The following CDIN1 variants were observed in gnomAD, a reference collection of about 807,000 sequenced individuals.
CDIN1 encodes CDAN1 interacting nuclease 1.
CDIN1 carries 33 observed loss-of-function variants against 45.3 expected under a neutral mutation model. The observed-to-expected ratio is 0.73, with a 90% CI of 0.55 to 0.97. The LOEUF (loss-of-function observed/expected upper bound fraction) is 0.97, where lower values mean the gene tolerates loss of function less well. Ranked by LOEUF, CDIN1 falls within the 50% of genes least tolerant of loss-of-function variation. The pLI is 0.00. For missense variants in CDIN1, 303 were observed against 339.4 expected (o/e 0.89, Z 0.84); for synonymous variants, 118 against 124.4 (o/e 0.95, Z 0.34).
chr15:36,741,106 T>A (rs1404263713), intron 10 of CDIN1, among the ~76,000 whole-genome samples: 3 of 152,126 alleles, frequency 2.0e-5, no homozygotes, highest in African/African-American at 7.2e-5. Flanking sequence ...CCAGCTTTTT[T>A]AAAGAATTTA....
intron 10 of CDIN1, among the ~76,000 whole-genome samples, chr15:36,760,091 A>G (rs1816198088): frequency 6.6e-6 from 1 of 152,178 alleles, no homozygotes; most frequent in Non-Finnish European, 1.5e-5. Flanking sequence ...TTTCATATCT[A>G]TAAATATAGC....
chr15:36,617,237 C>A, intron 1 of CDIN1: 1 of 884,362 alleles, frequency 1.1e-6, no homozygotes, highest in South Asian at 1.3e-5. Flanking sequence ...GCAGCCACAT[C>A]GGGTGCTCAT....
At chr15:36,712,527 G>A (rs2043092767) in intron 10 of CDIN1, among the ~76,000 whole-genome samples, 1 of 152,072 alleles carries the variant, frequency 6.6e-6, no homozygotes, top group Non-Finnish European at 1.5e-5. Flanking sequence ...GTCTCCCAAA[G>A]TGCTGGGATC....
rs114985797 is a variant in CDIN1 at position 36,750,250 on chromosome 15, C to T, written c.716+40289C>T. 2.6e-3 allele frequency among the ~76,000 whole-genome samples: 402 copies of T among 152,272 alleles called. 5 individuals carry two copies. The highest frequency in any genetic ancestry group is 9.4e-3 in the African/African-American group (389 of 41,546). On this transcript the variant is annotated intron_variant, in intron 10 of 10. Transcript: ENST00000566621. The stretch of plus-strand genomic sequence containing the variant: ...TGTTGAGACCATTAGGAACCTCCCT[C>T]ATTCGTCCCATGAAACAGTGCAATT...
At chr15:36,622,469 G>T (rs546446219) in intron 1 of CDIN1, among the ~76,000 whole-genome samples, 1 of 152,210 alleles carries the variant, frequency 6.6e-6, no homozygotes, top group East Asian at 1.9e-4. Flanking sequence ...GCAGGGCCCA[G>T]CAGTCAGGAT....
chr15:36,653,123 A>T (rs1359481409), intron 3 of CDIN1, among the ~76,000 whole-genome samples: 1 of 152,108 alleles, frequency 6.6e-6, no homozygotes, highest in Non-Finnish European at 1.5e-5. Context: ...ACAGTGGGGG[A>T]TGGGTTTGAG....
intron 10 of CDIN1, among the ~76,000 whole-genome samples, chr15:36,803,294 TAAG>T (rs2055110870): frequency 6.6e-6 from 1 of 151,022 alleles, no homozygotes; most frequent in Non-Finnish European, 1.5e-5. Flanking sequence ...AGTTAGGAGC[TAAG>T]AAGCTCAGTT....
At chr15:36,728,921 G>A (rs2043740507) in intron 10 of CDIN1, among the ~76,000 whole-genome samples, 1 of 152,104 alleles carries the variant, frequency 6.6e-6, no homozygotes, top group Non-Finnish European at 1.5e-5. Flanking sequence ...TGATCCTCCT[G>A]CCTCAGCCTC....
At chr15:36,791,338 C>T (rs2054640405) in intron 10 of CDIN1, among the ~76,000 whole-genome samples, 1 of 152,062 alleles carries the variant, frequency 6.6e-6, no homozygotes, top group East Asian at 1.9e-4. Flanking sequence ...ATAATGAAGT[C>T]GACAAGACAC....
intron 1 of CDIN1, among the ~76,000 whole-genome samples, chr15:36,582,068 G>A (rs2037071627): frequency 6.6e-6 from 1 of 152,198 alleles, no homozygotes; most frequent in South Asian, 2.1e-4. Flanking sequence ...GAGCATTCCA[G>A]TATTTGAATT....
chr15:36,709,018 T>A (rs978034557), intron 8 of CDIN1: 1 of 398,146 alleles, frequency 2.5e-6, no homozygotes, highest in Non-Finnish European at 4.4e-6. Flanking sequence ...TGCAGAAAAA[T>A]AATGAAAGAA....
At chr15:36,681,670 CATAT>C (rs142256728) in intron 5 of CDIN1, among the ~76,000 whole-genome samples, 1,876 of 152,100 alleles carry the variant, frequency 0.012, 19 homozygotes, top group Non-Finnish European at 0.019. Context: ...AGACAAATTA[CATAT>C]ATAGGGATTA....
At chr15:36,659,808 T>G (rs2040924801) in intron 5 of CDIN1, among the ~76,000 whole-genome samples, 1 of 152,080 alleles carries the variant, frequency 6.6e-6, no homozygotes, top group Non-Finnish European at 1.5e-5. Context: ...CTTTTATGAT[T>G]ATATGACAAA....
In CDIN1 at chr15:36,790,477, A is replaced by G. The variant is rs1056784518; in HGVS notation, c.717-17847A>G. On this transcript the variant is annotated intron_variant, in intron 10 of 10. Transcript: ENST00000566621. ...TGTTCGGCAGCAGAGTAGAGTGACT[A>G]TAGTTAACAACAATGTATTGTATAT... 8 of 152,324 alleles carry G rather than the reference A, an allele frequency of 5.3e-5. No individual in the cohort carries two copies. The South Asian group carries it at 6.2e-4, about 12-fold the overall frequency. The allele number at this position is 152,324 out of a possible 1,614,324, so 9.4% of individuals were successfully genotyped here. A position where few individuals can be genotyped will look rare whatever the true frequency, so the allele number is the denominator to read the frequency against.
At chr15:36,671,130 G>A (rs1342470741) in intron 5 of CDIN1, among the ~76,000 whole-genome samples, 1 of 152,106 alleles carries the variant, frequency 6.6e-6, no homozygotes, top group Non-Finnish European at 1.5e-5. Flanking sequence ...ATTAATGTGT[G>A]GCCTTATTCT....
chr15:36,711,257 T>A (rs910549014), intron 10 of CDIN1, among the ~76,000 whole-genome samples: 1 of 151,956 alleles, frequency 6.6e-6, no homozygotes, highest in African/African-American at 2.4e-5. Context: ...GCTAAAGTAT[T>A]TTAAAAAAAA....
chr15:36,696,031 A>T (rs1021270518), intron 7 of CDIN1, among the ~76,000 whole-genome samples: 1 of 148,370 alleles, frequency 6.7e-6, no homozygotes, highest in Non-Finnish European at 1.5e-5. Context: ...TAGACTTGAC[A>T]GGGATCTTGT....
At chr15:36,685,030 G>T (rs2041990583) in intron 5 of CDIN1, among the ~76,000 whole-genome samples, 2 of 152,084 alleles carry the variant, frequency 1.3e-5, no homozygotes, top group Admixed American at 6.6e-5. Context: ...CAAAACACCA[G>T]CTCCTGGATT....
chr15:36,603,567 A>G (rs1490995804), intron 1 of CDIN1, among the ~76,000 whole-genome samples: 1 of 152,038 alleles, frequency 6.6e-6, no homozygotes, highest in Non-Finnish European at 1.5e-5. Flanking sequence ...TCTATTTGGG[A>G]TAGGGTTTGA....
Sources: gnomAD v4.1 joint callset for allele counts (sites outside exome capture counted in the v4.1 genomes callset) on GRCh38, gnomAD v4.1.1 for gene constraint, MANE v1.5 for transcripts, NCBI Gene and HGNC (gene_info 2026-07-23, HGNC 2026-07-21) for gene names.